Variants in GRIN2A observed in about 807,000 individuals in gnomAD.
GRIN2A encodes glutamate receptor ionotropic, NMDA 2A.
In GRIN2A, 22 loss-of-function variants were observed where a neutral mutation model predicts 113.4. The observed-to-expected ratio is 0.19, with a 90% CI of 0.14 to 0.28. The LOEUF is 0.28. Among genes scored for constraint, GRIN2A ranks in the 10% least tolerant of loss-of-function variants. GRIN2A has a pLI of 1.00. For synonymous variants in GRIN2A, 827 were observed against 738.4 expected, an observed-to-expected ratio of 1.12 and a Z score of -1.94; for missense variants, 1,502 against 1,887.0, an observed-to-expected ratio of 0.80 and a Z score of 3.78.
At chr16:9,860,038 T>G (rs915744691) in intron 4 of GRIN2A, among the ~76,000 whole-genome samples, 1 of 149,270 alleles carries the variant, frequency 6.7e-6, no homozygotes. Context: ...AAGTCAAAGC[T>G]TAATAGCAAT....
chr16:10,073,915 C>T (rs979471759), intron 2 of GRIN2A, among the ~76,000 whole-genome samples: 6 of 85,968 alleles, frequency 7.0e-5, no homozygotes, highest in East Asian at 4.8e-4. Flanking sequence ...GTGAGACCCC[C>T]GTCACAAAAA....
At chr16:9,860,280 A>AC (rs2043042668) in intron 4 of GRIN2A, among the ~76,000 whole-genome samples, 1 of 151,268 alleles carries the variant, frequency 6.6e-6, no homozygotes, top group Non-Finnish European at 1.5e-5. Flanking sequence ...ACATGGTGAA[A>AC]CCCCATCTGT....
intron 3 of GRIN2A, among the ~76,000 whole-genome samples, chr16:9,910,097 C>A (rs533450229): frequency 9.2e-5 from 14 of 152,258 alleles, no homozygotes; most frequent in Admixed American, 2.6e-4. Flanking sequence ...GTTCATCCAT[C>A]AAATGTCTGT....
At chr16:10,150,763 G>C (rs9934711) in intron 2 of GRIN2A, among the ~76,000 whole-genome samples, 31,695 of 151,960 alleles carry the variant, frequency 0.21, 3,950 homozygotes, top group East Asian at 0.47. Context: ...AGCACTCTCT[G>C]TCTTACCTCT....
At chr16:9,946,805 C>T (rs1471676666) in intron 2 of GRIN2A, among the ~76,000 whole-genome samples, 1 of 152,200 alleles carries the variant, frequency 6.6e-6, no homozygotes, top group Non-Finnish European at 1.5e-5. Flanking sequence ...AGCCACCCAA[C>T]CACTATATAC....
At chr16:9,797,325 A>G (rs536575734) in intron 11 of GRIN2A, among the ~76,000 whole-genome samples, 1 of 151,920 alleles carries the variant, frequency 6.6e-6, no homozygotes, top group East Asian at 1.9e-4. Context: ...TGCTTTTCCT[A>G]TTTCCTCCGT....
At chr16:10,068,269 C>A (rs2047686100) in intron 2 of GRIN2A, among the ~76,000 whole-genome samples, 1 of 152,216 alleles carries the variant, frequency 6.6e-6, no homozygotes, top group Non-Finnish European at 1.5e-5. Flanking sequence ...TCTGTTCTTG[C>A]ATTGCTATAA....
At chr16:10,055,776 T>A (rs184441968) in intron 2 of GRIN2A, among the ~76,000 whole-genome samples, 1 of 152,210 alleles carries the variant, frequency 6.6e-6, no homozygotes. Context: ...CATTTACCCA[T>A]CCAATCTGAA....
intron 2 of GRIN2A, among the ~76,000 whole-genome samples, chr16:10,061,190 C>T (rs2047545303): frequency 6.6e-6 from 1 of 152,076 alleles, no homozygotes; most frequent in South Asian, 2.1e-4. Flanking sequence ...CCTGGAGCTC[C>T]AGCAGCCATC....
At chr16:10,023,503 C>T (rs1222788581) in intron 2 of GRIN2A, among the ~76,000 whole-genome samples, 1 of 152,144 alleles carries the variant, frequency 6.6e-6, no homozygotes, top group Non-Finnish European at 1.5e-5. Flanking sequence ...TAAGAGAACA[C>T]ATCAGGATTC....
intron 2 of GRIN2A, among the ~76,000 whole-genome samples, chr16:10,085,395 A>G (rs547838501): frequency 6.6e-6 from 1 of 152,368 alleles, no homozygotes; most frequent in African/African-American, 2.4e-5. Context: ...GTAAATTAAT[A>G]TGAATGTCAT....
chr16:10,171,892 T>C (rs1351028802), intron 2 of GRIN2A, among the ~76,000 whole-genome samples: 1 of 152,202 alleles, frequency 6.6e-6, no homozygotes, highest in Non-Finnish European at 1.5e-5. Context: ...AGGCTCAAGA[T>C]ATTAAGAACT....
chr16:9,783,975 G>A (rs1345322986), intron 11 of GRIN2A, among the ~76,000 whole-genome samples: 1 of 152,218 alleles, frequency 6.6e-6, no homozygotes, highest in African/African-American at 2.4e-5. Context: ...AATGGAGGGT[G>A]GAGGATAGGA....
At chr16:9,961,548 A>T (rs9923249) in intron 2 of GRIN2A, among the ~76,000 whole-genome samples, 2,469 of 152,332 alleles carry the variant, frequency 0.016, 69 homozygotes, top group African/African-American at 0.057. Context: ...AATAATGGTT[A>T]TCTTGGGGTT....
At chr16:9,839,194 CA>C (rs367559297) in intron 7 of GRIN2A, among the ~76,000 whole-genome samples, 8 of 152,198 alleles carry the variant, frequency 5.3e-5, no homozygotes, top group African/African-American at 1.9e-4. Context: ...TCATGATATT[CA>C]ACAAGATAGT....
At chr16:9,846,663 A>G (rs1167960918) in intron 5 of GRIN2A, among the ~76,000 whole-genome samples, 1 of 152,212 alleles carries the variant, frequency 6.6e-6, no homozygotes, top group Non-Finnish European at 1.5e-5. Context: ...GAGAAGACAA[A>G]CTATACACTG....
chr16:9,766,175 C>T (rs1900912426), intron 12 of GRIN2A, among the ~76,000 whole-genome samples: 1 of 152,180 alleles, frequency 6.6e-6, no homozygotes, highest in Admixed American at 6.5e-5. Context: ...GGGAGCCAAA[C>T]TATGAAGGGG....
chr16:10,126,209 C>G (rs906208094), intron 2 of GRIN2A, among the ~76,000 whole-genome samples: 2 of 151,224 alleles, frequency 1.3e-5, no homozygotes, highest in African/African-American at 4.9e-5. Flanking sequence ...GTCGCCCAGG[C>G]TGGAATGCAG....
intron 2 of GRIN2A, among the ~76,000 whole-genome samples, chr16:9,971,031 G>C (rs1466844786): frequency 6.6e-6 from 1 of 152,150 alleles, no homozygotes; most frequent in Non-Finnish European, 1.5e-5. Context: ...AGGCTAGAAG[G>C]CTATTTCAGG....
Sources: allele counts gnomAD v4.1 joint callset (sites outside exome capture counted in the v4.1 genomes callset), GRCh38; gene constraint gnomAD v4.1.1; transcripts MANE v1.5; gene names NCBI Gene and HGNC (gene_info 2026-07-23, HGNC 2026-07-21).